PLSCR4: variants seen among roughly 807,000 people sequenced by gnomAD.
PLSCR4 encodes Ca(2+)-dependent phospholipid scramblase 4.
In PLSCR4, 25 loss-of-function variants were observed where a neutral mutation model predicts 36.3. That is an observed-to-expected ratio of 0.69 (90% CI 0.50 to 0.96). The LOEUF (loss-of-function observed/expected upper bound fraction) is 0.96. PLSCR4 is among the 40% of genes least tolerant of loss of function. The probability of loss-of-function intolerance (pLI) is 0.00; values close to 1 mark genes in which losing one functional copy is unlikely to be tolerated. For missense variants in PLSCR4, 408 were observed against 414.7 expected (o/e 0.98, Z 0.14); for synonymous variants, 122 against 132.9 (o/e 0.92, Z 0.56).
At chr3:146,223,965 T>C (rs1242610686) in intron 1 of PLSCR4, among the ~76,000 whole-genome samples, 1 of 147,976 alleles carries the variant, frequency 6.8e-6, no homozygotes, top group Non-Finnish European at 1.5e-5. Flanking sequence ...TAAATATTTA[T>C]TTATTTATTT....
intron 4 of PLSCR4, among the ~76,000 whole-genome samples, chr3:146,203,607 T>G (rs956809611): frequency 6.6e-6 from 1 of 152,030 alleles, no homozygotes; most frequent in African/African-American, 2.4e-5. Flanking sequence ...ACCTTGCACT[T>G]CTATGTTACA....
intron 3 of PLSCR4, among the ~76,000 whole-genome samples, chr3:146,213,556 C>T (rs2034736488): frequency 6.6e-6 from 1 of 152,112 alleles, no homozygotes; most frequent in Non-Finnish European, 1.5e-5. Flanking sequence ...TTCCTGACCT[C>T]AGGTGATCCA....
intron 6 of PLSCR4, among the ~76,000 whole-genome samples, chr3:146,198,567 A>T (rs757467903): frequency 1.3e-5 from 2 of 151,700 alleles, no homozygotes; most frequent in South Asian, 2.1e-4. Context: ...GGCCTGGCTA[A>T]TTTTTTTATT....
chr3:146,249,611 A>T (rs562370079), intron 1 of PLSCR4, among the ~76,000 whole-genome samples: 53 of 150,408 alleles, frequency 3.5e-4, no homozygotes, highest in African/African-American at 1.2e-3. Context: ...TAAATGTTAA[A>T]ATCATATATA....
rs2033439190 is a variant in PLSCR4, at chr3:146,192,453, TATC to T, written c.*1955_*1957del. ...ATCCGATCAATTTTACACAACAAAA[TATC>T]ATTAAGAAACATAGAAATCATGTGA... On this transcript the variant is annotated 3_prime_UTR_variant, in exon 9 of 9. Coordinates refer to ENST00000354952, the MANE Select transcript of PLSCR4 (RefSeq NM_020353.3). 1 of 151,146 alleles carries T rather than the reference TATC, an allele frequency of 6.6e-6. No individual in the cohort carries two copies. The highest frequency in any genetic ancestry group is 1.5e-5 in the Non-Finnish European group (1 of 67,774). 9.4% of individuals were successfully genotyped at this position (151,146 alleles called of 1,614,324 possible).
rs551665240 is a variant in PLSCR4 at position 146,193,984 on chromosome 3, T to C, written c.*427A>G. On this transcript the variant is annotated 3_prime_UTR_variant, in exon 9 of 9. Transcript: ENST00000354952. The stretch of plus-strand genomic sequence containing the variant: ...ATCATTGAAACAAGTTTGTCTTCAG[T>C]ATGAGGACATGTTGACGGAGAGGAA... 6.5e-6 allele frequency: 1 copy of C among 154,966 alleles called. No homozygotes were observed. Among genetic ancestry groups the C allele is most frequent in the South Asian group, 2.0e-4 (1 of 4,888 alleles). 9.6% of individuals were successfully genotyped at this position (154,966 alleles called of 1,614,324 possible).
intron 4 of PLSCR4, among the ~76,000 whole-genome samples, chr3:146,203,776 T>A (rs1247860118): frequency 6.6e-6 from 1 of 152,042 alleles, no homozygotes; most frequent in Non-Finnish European, 1.5e-5. Flanking sequence ...ATGTTGTGAC[T>A]GGTTTGATCT....
intron 1 of PLSCR4, among the ~76,000 whole-genome samples, chr3:146,229,486 A>G (rs1472645896): frequency 6.6e-6 from 1 of 152,008 alleles, no homozygotes; most frequent in Non-Finnish European, 1.5e-5. Flanking sequence ...GATGAATCCT[A>G]ACCCCACAGA....
chr3:146,211,060 G>A (rs2867080), intron 3 of PLSCR4, among the ~76,000 whole-genome samples: 48,163 of 150,796 alleles, frequency 0.32, 8,355 homozygotes, highest in South Asian at 0.45. Flanking sequence ...GTTTTAGTGT[G>A]GACATGTTTT....
intron 3 of PLSCR4, among the ~76,000 whole-genome samples, chr3:146,215,690 C>T (rs887834534): frequency 4.6e-5 from 7 of 152,064 alleles, no homozygotes; most frequent in Admixed American, 3.9e-4. Context: ...CAGATGACAG[C>T]TGAAAGATGT....
chr3:146,198,843 T>C (rs1375561891), intron 6 of PLSCR4, among the ~76,000 whole-genome samples: 1 of 152,066 alleles, frequency 6.6e-6, no homozygotes, highest in African/African-American at 2.4e-5. Flanking sequence ...TCAAGGATAA[T>C]AGGTATTCAC....
chr3:146,229,596 T>C (rs932297789), intron 1 of PLSCR4, among the ~76,000 whole-genome samples: 3 of 110,664 alleles, frequency 2.7e-5, no homozygotes, highest in South Asian at 2.9e-4. Flanking sequence ...ATTTTTCATT[T>C]ATTTATTTAT....
At chr3:146,211,800 T>C (rs1315699611) in intron 3 of PLSCR4, among the ~76,000 whole-genome samples, 2 of 152,154 alleles carry the variant, frequency 1.3e-5, no homozygotes, top group Non-Finnish European at 2.9e-5. Flanking sequence ...GATCCTTTGT[T>C]GAAAAGAGTA....
chr3:146,219,954 T>C (rs553281028), intron 3 of PLSCR4, among the ~76,000 whole-genome samples: 7 of 151,868 alleles, frequency 4.6e-5, no homozygotes, highest in Non-Finnish European at 8.8e-5. Context: ...AAAAAAACTT[T>C]TGCCATTATC....
At chr3:146,214,375 G>T (rs1376603014) in intron 3 of PLSCR4, among the ~76,000 whole-genome samples, 1 of 9,784 alleles carries the variant, frequency 1.0e-4, no homozygotes, top group Non-Finnish European at 3.0e-4. Context: ...CGCCCGCCTT[G>T]GCCTCCCAAA....
chr3:146,200,663 C>A (rs1388913488), intron 5 of PLSCR4, among the ~76,000 whole-genome samples: 15 of 152,064 alleles, frequency 9.9e-5, no homozygotes, highest in Admixed American at 9.8e-4. Context: ...GGTTTAAATG[C>A]TATTTCCTGA....
At chr3:146,247,349 C>G (rs1215090746) in intron 1 of PLSCR4, among the ~76,000 whole-genome samples, 1 of 151,908 alleles carries the variant, frequency 6.6e-6, no homozygotes, top group African/African-American at 2.4e-5. Context: ...AGTTACATTC[C>G]TAATACAGTA....
At chr3:146,226,633 C>A (rs2035490665) in intron 1 of PLSCR4, among the ~76,000 whole-genome samples, 1 of 152,092 alleles carries the variant, frequency 6.6e-6, no homozygotes, top group African/African-American at 2.4e-5. Flanking sequence ...CCTGAAGTAG[C>A]ACCTCTGGGG....
At chr3:146,225,014 G>A (rs1345811696) in intron 1 of PLSCR4, among the ~76,000 whole-genome samples, 1 of 151,516 alleles carries the variant, frequency 6.6e-6, no homozygotes, top group Non-Finnish European at 1.5e-5. Flanking sequence ...GGTGCTGATT[G>A]GTGTATTTAC....
Sources: gnomAD v4.1 joint callset for allele counts (sites outside exome capture counted in the v4.1 genomes callset) on GRCh38, gnomAD v4.1.1 for gene constraint, MANE v1.5 for transcripts, NCBI Gene and HGNC (gene_info 2026-07-23, HGNC 2026-07-21) for gene names.